The following MYO18B variants were observed in gnomAD, a reference collection of about 807,000 sequenced individuals.
MYO18B encodes unconventional myosin-XVIIIb.
In MYO18B, 204 loss-of-function variants were observed where a neutral mutation model predicts 273.0. That is an observed-to-expected ratio of 0.75 (90% CI 0.67 to 0.84). The LOEUF is 0.84. Ranked by LOEUF, MYO18B falls within the 40% of genes least tolerant of loss-of-function variation. The pLI, the probability that MYO18B is intolerant of heterozygous loss-of-function variation, is 0.00. For missense variants in MYO18B, 3,212 were observed against 3,287.6 expected (o/e 0.98, Z 0.56); for synonymous variants, 1,330 against 1,305.7 (o/e 1.02, Z -0.40).
Position 26,027,155 on chromosome 22 carries a change from C to A in MYO18B, c.7181C>A (p.Ala2394Glu). ...RRCLESSVDD[A>E]GCPDLGKEPL... ...TGTCTGGAGTCCTCTGTGGACGATG[C>A]GGGCTGTCCAGACCTTGGAAAGGAG... Residue 2394 changes from alanine (A) to glutamate (E), a missense_variant, in exon 43 of 44, where the codon GCG becomes GAG. Physicochemically the swap from Ala to Glu is moderately radical, Grantham distance 107. Coordinates refer to ENST00000335473, the MANE Select transcript of MYO18B (RefSeq NM_032608.7). This position sits in a 1 kb window ranked among gnomAD's most constrained non-coding sequence, Gnocchi z 4.1. 6.2e-7 allele frequency: 1 copy of A among 1,613,994 alleles called. No homozygotes were observed. Among genetic ancestry groups the A allele is most frequent in the Non-Finnish European group, 8.5e-7 (1 of 1,179,888 alleles).
At chr22:25,757,769 G>A (rs1326049700) in intron 1 of MYO18B, among the ~76,000 whole-genome samples, 4 of 152,092 alleles carry the variant, frequency 2.6e-5, no homozygotes, top group South Asian at 2.1e-4. Context: ...ACTCAAGACC[G>A]CTTCTACTAA....
intron 40 of MYO18B, among the ~76,000 whole-genome samples, chr22:25,997,972 C>G (rs868800700): frequency 7.2e-5 from 8 of 110,762 alleles, no homozygotes; most frequent in South Asian, 2.5e-4. Context: ...CACACACACA[C>G]ACACACGAGA....
intron 39 of MYO18B, among the ~76,000 whole-genome samples, chr22:25,969,675 G>A (rs1435507972): frequency 6.6e-6 from 1 of 152,110 alleles, no homozygotes; most frequent in African/African-American, 2.4e-5. Flanking sequence ...AATACATGCT[G>A]AGAGAAGAAA....
At chr22:25,777,242 C>A (rs2086949244) in intron 7 of MYO18B, among the ~76,000 whole-genome samples, 1 of 152,198 alleles carries the variant, frequency 6.6e-6, no homozygotes, top group Non-Finnish European at 1.5e-5. Flanking sequence ...TGCTATCGAT[C>A]CAGCTGCCTC....
At chr22:25,939,964 A>G (rs920400780) in intron 34 of MYO18B, among the ~76,000 whole-genome samples, 1 of 152,220 alleles carries the variant, frequency 6.6e-6, no homozygotes, top group African/African-American at 2.4e-5. Flanking sequence ...AGATGAATTA[A>G]TACATGAAAA....
intron 34 of MYO18B, among the ~76,000 whole-genome samples, chr22:25,940,987 TTTAA>T (rs1267901300): frequency 6.6e-6 from 1 of 152,172 alleles, no homozygotes; most frequent in African/African-American, 2.4e-5. Context: ...GCCGGGCTGA[TTTAA>T]TTAGAGAACA....
chr22:25,933,156 A>G (rs1193919157), intron 34 of MYO18B, among the ~76,000 whole-genome samples: 1 of 152,148 alleles, frequency 6.6e-6, no homozygotes, highest in Non-Finnish European at 1.5e-5. Context: ...TTTTGGGTGA[A>G]CTGGAATGTG....
chr22:25,769,205 C>A lies in MYO18B; in HGVS notation c.1289C>A (p.Ala430Glu). The stretch of plus-strand genomic sequence containing the variant: ...GTGAGCACAATGGTGGAGTCGCCAG[C>A]AGCTCCTGGGAAGGGAGGCTGGCCA... ...KEVSTMVESP[A>E]APGKGGWPGS... is the part of the protein sequence containing the mutation. Residue 430 changes from alanine (A) to glutamate (E), a missense_variant, in exon 4 of 44, where the codon GCA becomes GAA. Physicochemically the swap from Ala to Glu is moderately radical, Grantham distance 107 (BLOSUM62 -1). Transcript: ENST00000335473. The A allele has an allele frequency of 1.2e-6, 2 of 1,607,024 alleles. No individual in the cohort carries two copies. The highest frequency in any genetic ancestry group is 1.7e-6 in the Non-Finnish European group (2 of 1,176,946).
At chr22:26,051,233 T>A in the MYO18B span, among the ~76,000 whole-genome samples, 10 of 143,770 alleles carry the variant, frequency 7.0e-5, no homozygotes, top group African/African-American at 2.6e-4. Context: ...TTTTTTTTTT[T>A]TTTTTTTTGA....
chr22:25,990,226 C>T (rs2093250095), intron 39 of MYO18B, among the ~76,000 whole-genome samples: 1 of 152,100 alleles, frequency 6.6e-6, no homozygotes, highest in East Asian at 1.9e-4. Flanking sequence ...CTGAGTGTGT[C>T]CCTGTAATGG....
intron 40 of MYO18B, 82 bp downstream of exon 40, chr22:25,992,575 G>A: frequency 1.9e-6 from 3 of 1,578,470 alleles, no homozygotes; most frequent in South Asian, 1.1e-5. Flanking sequence ...AGCCGGGCTG[G>A]GGCCACATTC....
Position 25,752,579 on chromosome 22 carries a change from G to A in MYO18B, c.-109-8405G>A, listed in dbSNP as rs905300540. On this transcript the variant is annotated intron_variant, in intron 1 of 43. Coordinates refer to ENST00000335473, the MANE Select transcript of MYO18B (RefSeq NM_032608.7). The stretch of plus-strand genomic sequence containing the variant: ...CAGCTCACTGTAGCCTTGAACTCCT[G>A]GGCTCAAGTGATCCTTCTGCCTCAG... Among the ~76,000 whole-genome samples, 126 of 152,294 alleles carry A rather than the reference G, an allele frequency of 8.3e-4. 2 individuals are homozygous for A. The highest frequency in any genetic ancestry group is 3.4e-4 in the Non-Finnish European group (23 of 68,022).
At chr22:25,952,173 A>T in intron 37 of MYO18B, 113 bp from the exon 38 acceptor site, 1 of 1,184,394 alleles carries the variant, frequency 8.4e-7, no homozygotes, top group Non-Finnish European at 1.2e-6. Flanking sequence ...ACCTGAGTAG[A>T]GAAGGAGGTG....
intron 17 of MYO18B, 34 bp downstream of exon 17, chr22:25,835,477 G>A: frequency 6.2e-7 from 1 of 1,612,182 alleles, no homozygotes; most frequent in South Asian, 1.1e-5. Context: ...TGGGGCCTGA[G>A]TCCAGCCTGG....
chr22:25,908,541 C>T, intron 32 of MYO18B, 109 bp downstream of exon 32: 1 of 879,788 alleles, frequency 1.1e-6, no homozygotes, highest in Non-Finnish European at 1.8e-6. Flanking sequence ...TGGGGACAAG[C>T]TCTTTCTGCA....
At chr22:26,047,872 C>A in the MYO18B span, among the ~76,000 whole-genome samples, 4 of 152,144 alleles carry the variant, frequency 2.6e-5, no homozygotes, top group Non-Finnish European at 5.9e-5. Context: ...CTGTTTACCC[C>A]CTCTGACATC....
chr22:26,049,771 G>T, the MYO18B span, among the ~76,000 whole-genome samples: 3 of 152,184 alleles, frequency 2.0e-5, no homozygotes, highest in East Asian at 5.8e-4. Flanking sequence ...CTCTGAGTGG[G>T]CTTAGGCAAA....
chr22:25,904,660 CTTTA>C (rs761511222), intron 31 of MYO18B, among the ~76,000 whole-genome samples: 10 of 152,160 alleles, frequency 6.6e-5, no homozygotes, highest in East Asian at 1.9e-4. Context: ...CAGATGAATA[CTTTA>C]TTTGTCTGCT....
intron 28 of MYO18B, chr22:25,895,640 C>A (rs2091780619): frequency 5.6e-6 from 1 of 179,612 alleles, no homozygotes; most frequent in Non-Finnish European, 1.2e-5. Flanking sequence ...TCACATTTCC[C>A]TGTTGCCTCT....
Sources: gnomAD v4.1 joint callset for allele counts (sites outside exome capture counted in the v4.1 genomes callset) on GRCh38, gnomAD v4.1.1 for gene constraint, Gnocchi (gnomAD v3.1) non-coding constraint, MANE v1.5 for transcripts, NCBI Gene and HGNC (gene_info 2026-07-23, HGNC 2026-07-21) for gene names.